The following AGBL1 variants were observed in gnomAD, a reference collection of about 807,000 sequenced individuals.
AGBL1 encodes the protein AGBL carboxypeptidase 1.
A neutral mutation model predicts 118.9 loss-of-function variants in AGBL1; 130 were observed. That is an observed-to-expected ratio of 1.09 (90% confidence interval 0.95 to 1.26). AGBL1 has a LOEUF of 1.26. Among genes scored for constraint, AGBL1 ranks in the 50% most tolerant of loss-of-function variants. The probability of loss-of-function intolerance (pLI) is 0.00; values close to 1 mark genes in which losing one functional copy is unlikely to be tolerated. For missense variants in AGBL1, 1,584 were observed against 1,298.1 expected (o/e 1.22, Z -3.38); for synonymous variants, 555 against 478.9 (o/e 1.16, Z -2.08).
intron 21 of AGBL1, among the ~76,000 whole-genome samples, chr15:86,602,966 C>A (rs1175407089): frequency 3.9e-5 from 6 of 152,146 alleles, no homozygotes; most frequent in African/African-American, 1.4e-4. Flanking sequence ...ACCCTGGCTG[C>A]TGACATGTTG....
chr15:86,236,952 CGGGGGGG>C (rs2078559755), intron 6 of AGBL1, among the ~76,000 whole-genome samples: 1 of 10,316 alleles, frequency 9.7e-5, no homozygotes, highest in Non-Finnish European at 1.8e-4. Context: ...CGGGGGGGGG[CGGGGGGG>C]CGCCAAGTTG....
intron 6 of AGBL1, among the ~76,000 whole-genome samples, chr15:86,242,194 C>T (rs1197623103): frequency 6.6e-6 from 1 of 151,982 alleles, no homozygotes; most frequent in Non-Finnish European, 1.5e-5. Flanking sequence ...TATAAATTAC[C>T]CAGTCTCAGG....
At chr15:86,551,532 T>C (rs1431418029) in intron 20 of AGBL1, among the ~76,000 whole-genome samples, 1 of 152,178 alleles carries the variant, frequency 6.6e-6, no homozygotes, top group Non-Finnish European at 1.5e-5. Context: ...TGATGAGGTT[T>C]ATTTTAAGTG....
chr15:86,940,460 G>A (rs2141652923), intron 23 of AGBL1, among the ~76,000 whole-genome samples: 1 of 152,218 alleles, frequency 6.6e-6, no homozygotes, highest in East Asian at 1.9e-4. Flanking sequence ...TACTCATTAA[G>A]TACTGGTTAT....
chr15:86,383,310 G>A (rs954759630), intron 17 of AGBL1, among the ~76,000 whole-genome samples: 3 of 150,824 alleles, frequency 2.0e-5, no homozygotes, highest in Admixed American at 6.6e-5. Context: ...TCACTGGGCC[G>A]GGCGCAGTGG....
intron 1 of AGBL1, among the ~76,000 whole-genome samples, chr15:86,138,538 G>T (rs780078090): frequency 6.6e-6 from 1 of 152,192 alleles, no homozygotes; most frequent in African/African-American, 2.4e-5. Flanking sequence ...TCAGTGCCCA[G>T]CTTGGTGGCT....
chr15:86,736,574 T>C (rs2077602657), intron 22 of AGBL1, among the ~76,000 whole-genome samples: 1 of 152,180 alleles, frequency 6.6e-6, no homozygotes, highest in Non-Finnish European at 1.5e-5. Flanking sequence ...GTGATGTCAC[T>C]GGCATTCAAG....
At chr15:86,189,902 A>G (rs901106500) in intron 5 of AGBL1, among the ~76,000 whole-genome samples, 1 of 152,218 alleles carries the variant, frequency 6.6e-6, no homozygotes, top group African/African-American at 2.4e-5. Flanking sequence ...GACTGACACC[A>G]GGTACCCATG....
At chr15:86,265,267 T>C (rs1161172811) in intron 11 of AGBL1, among the ~76,000 whole-genome samples, 1 of 152,110 alleles carries the variant, frequency 6.6e-6, no homozygotes, top group African/African-American at 2.4e-5. Context: ...AAGGAGGAGG[T>C]GTGCCTCCAT....
At chr15:86,716,405 A>T (rs1209075658) in intron 22 of AGBL1, among the ~76,000 whole-genome samples, 3 of 152,070 alleles carry the variant, frequency 2.0e-5, no homozygotes, top group Admixed American at 1.3e-4. Flanking sequence ...CTCTCCCAGG[A>T]TCAGGTAGGG....
chr15:86,296,067 T>C (rs1017785510), intron 17 of AGBL1: 7 of 152,254 alleles, frequency 4.6e-5, no homozygotes, highest in African/African-American at 1.7e-4. Context: ...TATACACAGA[T>C]GTGTATACAC....
At position 86,561,150 on chromosome 15, in the gene AGBL1, A is replaced by G. The variant is rs561464199; in HGVS notation, c.2994+6613A>G. 2.9e-3 allele frequency among the ~76,000 whole-genome samples: 445 copies of G among 152,102 alleles called. 8 individuals are homozygous for G. The highest frequency in any genetic ancestry group is 0.01 in the Middle Eastern group (3 of 294). Reference sequence around the variant, plus strand: ...AAGCTCTTTAGTTTAATTAGATCCCATTTGTCAATTTTGGCTTTTGTTGCC... The same window carrying G: ...AAGCTCTTTAGTTTAATTAGATCCCGTTTGTCAATTTTGGCTTTTGTTGCC... On this transcript the variant is annotated intron_variant, in intron 21 of 22. Transcript: ENST00000614907.
chr15:86,152,007 C>A (rs552328059), intron 3 of AGBL1, among the ~76,000 whole-genome samples: 1 of 151,964 alleles, frequency 6.6e-6, no homozygotes, highest in Non-Finnish European at 1.5e-5. Flanking sequence ...CACTGCTCAG[C>A]GAGATAAAAG....
intron 18 of AGBL1, among the ~76,000 whole-genome samples, chr15:86,521,310 A>G (rs1215272150): frequency 2.6e-5 from 4 of 152,208 alleles, no homozygotes; most frequent in Non-Finnish European, 4.4e-5. Flanking sequence ...AACAGAAATC[A>G]TATCTGATTC....
intron 23 of AGBL1, among the ~76,000 whole-genome samples, chr15:86,953,352 T>C (rs2080898301): frequency 6.6e-6 from 1 of 151,876 alleles, no homozygotes; most frequent in African/African-American, 2.4e-5. Context: ...TAGCAGTGTT[T>C]TGTAGTTCTT....
intron 1 of AGBL1, among the ~76,000 whole-genome samples, chr15:86,123,493 G>T (rs538300894): frequency 1.3e-5 from 2 of 152,314 alleles, no homozygotes; most frequent in East Asian, 3.9e-4. Context: ...GCCTGCCTCG[G>T]CCTCTCAAAA....
rs2080400230 is a variant in AGBL1, at chr15:86,337,956, G to T, written c.2374+42548G>T. On this transcript the variant is annotated intron_variant, in intron 17 of 22. Coordinates refer to ENST00000614907, the MANE Select transcript of AGBL1 (RefSeq NM_001386094.1). ...TTACCAAATATTTATCAAGTGTCTG[G>T]TATATGCCAGACACTTCTAGTCAGG... 3.9e-5 allele frequency among the ~76,000 whole-genome samples: 6 copies of T among 152,142 alleles called. No homozygotes were observed. The South Asian group carries it at 1.2e-3, about 31-fold the overall frequency.
intron 23 of AGBL1, among the ~76,000 whole-genome samples, chr15:86,921,593 T>G (rs2080482491): frequency 6.6e-6 from 1 of 152,172 alleles, no homozygotes; most frequent in South Asian, 2.1e-4. Flanking sequence ...TTTCTTTTAT[T>G]TCCATGCTTG....
intron 22 of AGBL1, among the ~76,000 whole-genome samples, chr15:86,831,587 T>C (rs2079104268): frequency 6.6e-6 from 1 of 152,240 alleles, no homozygotes; most frequent in African/African-American, 2.4e-5. Flanking sequence ...ACCCCATGTC[T>C]CACATCCAGG....
Sources: allele counts gnomAD v4.1 joint callset (sites outside exome capture counted in the v4.1 genomes callset), GRCh38; gene constraint gnomAD v4.1.1; transcripts MANE v1.5; gene names NCBI Gene and HGNC (gene_info 2026-07-23, HGNC 2026-07-21).